Variants in VANGL1 observed in about 807,000 individuals in gnomAD.
VANGL1 encodes the protein VANGL planar cell polarity protein 1, also known as vang-like protein 1.
VANGL1 carries 18 observed loss-of-function variants against 48.4 expected under a neutral mutation model. The ratio of observed to expected loss-of-function variants is 0.37; its 90% CI spans 0.26 to 0.55. The LOEUF (loss-of-function observed/expected upper bound fraction) is 0.55, where lower values mean the gene tolerates loss of function less well. Ranked by LOEUF, VANGL1 falls within the 20% of genes least tolerant of loss-of-function variation. VANGL1 has a pLI of 0.81. For synonymous variants in VANGL1, 257 were observed against 261.8 expected (o/e 0.98, Z 0.18); for missense variants, 667 against 675.8 (o/e 0.99, Z 0.14).
In VANGL1 at chr1:115,697,359, A is replaced by G. The variant is rs1266392181; in HGVS notation, c.*5980A>G. 2 of 152,248 alleles carry G rather than the reference A, an allele frequency of 1.3e-5. No individual in the cohort carries two copies. The highest frequency in any genetic ancestry group is 2.9e-5 in the Non-Finnish European group (2 of 68,046). 9.4% of individuals were successfully genotyped at this position (152,248 alleles called of 1,614,324 possible). A position where few individuals can be genotyped will look rare whatever the true frequency, so the allele number is the denominator to read the frequency against. On this transcript the variant is annotated 3_prime_UTR_variant, in exon 8 of 8. Coordinates refer to ENST00000355485, the MANE Select transcript of VANGL1 (RefSeq NM_138959.3). ...TCATCATTCTTTAAAAAGGGAACATACAAAAATCTAAACTATGGCAATAAT... is the reference window on the plus strand; with the variant it reads ...TCATCATTCTTTAAAAAGGGAACATGCAAAAATCTAAACTATGGCAATAAT...
At chr1:115,671,502 G>T (rs1229767970) in intron 4 of VANGL1, among the ~76,000 whole-genome samples, 1 of 152,220 alleles carries the variant, frequency 6.6e-6, no homozygotes, top group Non-Finnish European at 1.5e-5. Context: ...AGGAAGGCGA[G>T]GCAGTCCAGC....
intron 1 of VANGL1, among the ~76,000 whole-genome samples, chr1:115,647,102 G>A (rs1182210778): frequency 6.6e-6 from 1 of 152,222 alleles, no homozygotes; most frequent in Non-Finnish European, 1.5e-5. Context: ...GGGACACCAC[G>A]GAAAGGTTTT....
intron 3 of VANGL1, among the ~76,000 whole-genome samples, chr1:115,661,181 A>C (rs1257975835): frequency 1.3e-5 from 2 of 152,118 alleles, no homozygotes. Context: ...TGTAGGCCTC[A>C]ATTTCTTTAT....
chr1:115,680,026 T>TGAGA (rs146370842), intron 4 of VANGL1, among the ~76,000 whole-genome samples: 2,277 of 97,424 alleles, frequency 0.023, 37 homozygotes, highest in African/African-American at 0.041. Context: ...TGTGTGTATG[T>TGAGA]GAGAGAGAGA....
In VANGL1 at chr1:115,682,379, A is replaced by C; in HGVS notation, c.828A>C (p.Ala276=). The C allele has an allele frequency of 6.2e-7, 1 of 1,614,194 alleles. No homozygotes were observed. The highest frequency in any genetic ancestry group is 8.5e-7 in the Non-Finnish European group (1 of 1,180,048). ...SLGHLSIQRA[A]LVVLENYYKD... ...TTTTTCTCAGTATCCAGCGAGCAGC[A>C]TTGGTGGTCCTAGAAAATTACTACA... is the stretch of plus-strand genomic sequence containing the variant. Residue 276 remains alanine (A), a synonymous_variant, in exon 5 of 8, where the codon GCA becomes GCC. Transcript: ENST00000355485.
rs552063583 is a variant in VANGL1 at position 115,688,052 on chromosome 1, T to C, written c.1314+2525T>C. Among the ~76,000 whole-genome samples the C allele has an allele frequency of 2.9e-5, 4 of 136,440 alleles. 1 individual carries two copies. Among genetic ancestry groups the C allele is most frequent in the Non-Finnish European group, 6.3e-5 (4 of 63,108 alleles). 89.5% of individuals were successfully genotyped at this position (136,440 alleles called of 152,430 possible). On this transcript the variant is annotated intron_variant, in intron 7 of 7. Transcript: ENST00000355485. ...TACATAGATAGATAGATAGCCTATA[T>C]ATTATCATTCATAGATAGAGATTTA...
At chr1:115,662,352 T>G (rs1040440786) in intron 3 of VANGL1, among the ~76,000 whole-genome samples, 3 of 152,238 alleles carry the variant, frequency 2.0e-5, no homozygotes, top group Admixed American at 2.0e-4. Context: ...CCACTGCATC[T>G]GACTGTTTTC....
intron 4 of VANGL1, among the ~76,000 whole-genome samples, chr1:115,670,645 G>C (rs114934945): frequency 2.2e-4 from 33 of 152,272 alleles, no homozygotes; most frequent in Non-Finnish European, 3.8e-4. Context: ...CCATGTTCAC[G>C]ATGAGCACCA....
rs1312092080 is a variant in VANGL1 at position 115,688,685 on chromosome 1, T to C, written c.1315-2434T>C. ...ATGCTTTGCCTCTAACATCTGAGAT[T>C]TTTTATTTCCCACATACTCGGGAGC... On this transcript the variant is annotated intron_variant, in intron 7 of 7. Transcript: ENST00000355485. Among the ~76,000 whole-genome samples, 3 of 138,496 alleles carry C rather than the reference T, an allele frequency of 2.2e-5. 1 individual carries two copies. The highest frequency in any genetic ancestry group is 4.7e-5 in the Non-Finnish European group (3 of 63,362). The allele number at this position is 138,496 out of a possible 152,430, so 90.9% of individuals were successfully genotyped here.
chr1:115,668,995 G>A (rs1283917135), intron 4 of VANGL1, among the ~76,000 whole-genome samples: 1 of 152,206 alleles, frequency 6.6e-6, no homozygotes, highest in Non-Finnish European at 1.5e-5. Flanking sequence ...TAAGTTCAAT[G>A]TCACAGACCC....
At chr1:115,646,249 C>T (rs1651908830) in intron 1 of VANGL1, among the ~76,000 whole-genome samples, 1 of 152,120 alleles carries the variant, frequency 6.6e-6, no homozygotes, top group Non-Finnish European at 1.5e-5. Flanking sequence ...ACTCTGTGCA[C>T]CTATCTCCCA....
chr1:115,665,308 T>C (rs1652731160), intron 4 of VANGL1, among the ~76,000 whole-genome samples: 2 of 152,360 alleles, frequency 1.3e-5, no homozygotes, highest in Non-Finnish European at 2.9e-5. Context: ...CTTCAAAGCC[T>C]TTACCCTCTC....
chr1:115,673,053 T>G (rs1228708615), intron 4 of VANGL1, among the ~76,000 whole-genome samples: 1 of 152,200 alleles, frequency 6.6e-6, no homozygotes, highest in African/African-American at 2.4e-5. Context: ...AATCAACTTG[T>G]ATTGGGGATT....
chr1:115,659,209 G>T (rs929433560), intron 2 of VANGL1, among the ~76,000 whole-genome samples: 18 of 151,848 alleles, frequency 1.2e-4, no homozygotes, highest in African/African-American at 1.2e-4. Context: ...CAAAAAAATA[G>T]ATATTTTTTT....
chr1:115,662,742 G>C (rs1570749343), intron 3 of VANGL1, among the ~76,000 whole-genome samples: 2 of 151,908 alleles, frequency 1.3e-5, no homozygotes, highest in East Asian at 3.9e-4. Flanking sequence ...AAGAGTGCTT[G>C]ACACTGATGC....
intron 2 of VANGL1, among the ~76,000 whole-genome samples, chr1:115,655,134 C>T (rs1489395058): frequency 6.6e-6 from 1 of 152,178 alleles, no homozygotes; most frequent in Non-Finnish European, 1.5e-5. Flanking sequence ...CTACCCCAGC[C>T]ATAGCCAAGA....
intron 1 of VANGL1, among the ~76,000 whole-genome samples, chr1:115,642,973 TG>T (rs1651792731): frequency 6.6e-6 from 1 of 152,236 alleles, no homozygotes; most frequent in Non-Finnish European, 1.5e-5. Context: ...AGATGAGACT[TG>T]GAGCTGAGGA....
intron 4 of VANGL1, among the ~76,000 whole-genome samples, chr1:115,668,545 A>G (rs1652870217): frequency 6.6e-6 from 1 of 152,224 alleles, no homozygotes; most frequent in African/African-American, 2.4e-5. Context: ...TATTTTATCT[A>G]TTGTTGTGTA....
intron 3 of VANGL1, among the ~76,000 whole-genome samples, chr1:115,660,699 A>G (rs1462816526): frequency 6.6e-6 from 1 of 152,208 alleles, no homozygotes; most frequent in East Asian, 1.9e-4. Context: ...AAAGATAGAT[A>G]TAGGACTATA....
Sources: allele counts gnomAD v4.1 joint callset (sites outside exome capture counted in the v4.1 genomes callset), GRCh38; gene constraint gnomAD v4.1.1; transcripts MANE v1.5; gene names NCBI Gene and HGNC (gene_info 2026-07-23, HGNC 2026-07-21).